TECPR2: variants seen among roughly 807,000 people sequenced by gnomAD.
The protein encoded by TECPR2 is tectonin beta-propeller repeat containing 2.
A neutral mutation model predicts 138.1 loss-of-function variants in TECPR2; 65 were observed. The ratio of observed to expected loss-of-function variants is 0.47; its 90% CI spans 0.39 to 0.58. TECPR2 has a LOEUF of 0.58. Among genes scored for constraint, TECPR2 ranks in the 20% least tolerant of loss-of-function variants. The probability of loss-of-function intolerance (pLI) is 0.00; values close to 1 mark genes in which losing one functional copy is unlikely to be tolerated. For missense variants in TECPR2, 1,553 were observed against 1,824.5 expected (o/e 0.85, Z 2.71); for synonymous variants, 746 against 749.8 (o/e 0.99, Z 0.08).
chr14:102,478,410 G>T (rs570534369), intron 17 of TECPR2, among the ~76,000 whole-genome samples: 1 of 152,178 alleles, frequency 6.6e-6, no homozygotes, highest in East Asian at 1.9e-4. Flanking sequence ...GCCGGGTGTG[G>T]TGGCTCATGC....
At chr14:102,469,168 C>T (rs1595141667) in intron 17 of TECPR2, among the ~76,000 whole-genome samples, 4 of 152,168 alleles carry the variant, frequency 2.6e-5, no homozygotes, top group Non-Finnish European at 5.9e-5. Context: ...GGAATTGTGT[C>T]GAATCAGTAG....
chr14:102,383,471 G>A (rs538537929), intron 2 of TECPR2, among the ~76,000 whole-genome samples: 2 of 151,376 alleles, frequency 1.3e-5, no homozygotes, highest in Admixed American at 6.6e-5. Flanking sequence ...GCAGTGGAGC[G>A]ATCTCAGCCC....
At chr14:102,431,296 A>G (rs1889464473) in intron 7 of TECPR2, among the ~76,000 whole-genome samples, 1 of 151,036 alleles carries the variant, frequency 6.6e-6, no homozygotes, top group South Asian at 2.1e-4. Flanking sequence ...AAGAACAAAA[A>G]CTGTTTCTTA....
chr14:102,384,170 CG>C (rs1887923498), intron 2 of TECPR2, among the ~76,000 whole-genome samples: 1 of 152,026 alleles, frequency 6.6e-6, no homozygotes, highest in African/African-American at 2.4e-5. Context: ...CCACCTGCCT[CG>C]GCCTCCCAAA....
In TECPR2 at chr14:102,498,298, T is replaced by G. The variant is rs1891348479; in HGVS notation, c.*41T>G. On this transcript the variant is annotated 3_prime_UTR_variant, in exon 20 of 20. Coordinates refer to ENST00000359520, the MANE Select transcript of TECPR2 (RefSeq NM_014844.5). ...GTCACGCGGAGGGGCCCGGCGTCTG[T>G]GGCGGGCACAGGGGCTTCAGAGTGA... 6.4e-7 allele frequency: 1 copy of G among 1,571,896 alleles called. No individual in the cohort carries two copies. Among genetic ancestry groups the G allele is most frequent in the South Asian group, 1.1e-5 (1 of 87,814 alleles).
chr14:102,457,215 G>A (rs974123249), intron 16 of TECPR2, among the ~76,000 whole-genome samples: 1 of 152,132 alleles, frequency 6.6e-6, no homozygotes, highest in Non-Finnish European at 1.5e-5. Context: ...CTCCCGAGTA[G>A]CTGGGATGAC....
intron 2 of TECPR2, among the ~76,000 whole-genome samples, chr14:102,396,965 T>C (rs567580378): frequency 1.1e-4 from 16 of 152,278 alleles, no homozygotes; most frequent in Middle Eastern, 3.4e-3. Flanking sequence ...TAACAAGACT[T>C]CCAGGGGATT....
chr14:102,449,875 T>G lies in TECPR2; in HGVS notation c.3316+6T>G. 1 of 1,611,482 alleles carries G rather than the reference T, an allele frequency of 6.2e-7. No individual in the cohort carries two copies. Among genetic ancestry groups the G allele is most frequent in the Non-Finnish European group, 8.5e-7 (1 of 1,179,186 alleles). ...CGCTAAGGGAAGTCTCATAGGTGGG[T>G]GAATTGCTGTAATTTTCACACTGGC... is the stretch of plus-strand genomic sequence containing the variant. On this transcript the variant is annotated splice_donor_region_variant and intron_variant, in intron 14 of 19. Coordinates refer to ENST00000359520, the MANE Select transcript of TECPR2 (RefSeq NM_014844.5).
At chr14:102,410,805 G>A (rs1003664816) in intron 4 of TECPR2, among the ~76,000 whole-genome samples, 21 of 151,600 alleles carry the variant, frequency 1.4e-4, no homozygotes, top group African/African-American at 2.2e-4. Context: ...TTACACTGCC[G>A]GTTTACACTG....
At chr14:102,409,515 T>C (rs1754523235) in intron 4 of TECPR2, among the ~76,000 whole-genome samples, 1 of 152,164 alleles carries the variant, frequency 6.6e-6, no homozygotes, top group South Asian at 2.1e-4. Context: ...GTCAGGCTGG[T>C]CTTGAACTCC....
In TECPR2 at chr14:102,419,344, G is replaced by A. The variant is rs779433654; in HGVS notation, c.638+4551G>A. 5.9e-5 allele frequency among the ~76,000 whole-genome samples: 9 copies of A among 152,178 alleles called. No homozygotes were observed. The highest frequency in any genetic ancestry group is 1.3e-4 in the Non-Finnish European group (9 of 68,032). On this transcript the variant is annotated intron_variant, in intron 5 of 19. Transcript: ENST00000359520. This position sits in a 1 kb window ranked among gnomAD's most constrained non-coding sequence, Gnocchi z 4.8. ...GGCGAGTATGGAGAGCTTTTAGGAG[G>A]AGTGTTTTTGTAGAAGAGAACAAAG...
chr14:102,441,776 G>A (rs1175025683), intron 11 of TECPR2, among the ~76,000 whole-genome samples: 2 of 152,166 alleles, frequency 1.3e-5, no homozygotes, highest in African/African-American at 4.8e-5. Flanking sequence ...AGGGCACAGT[G>A]GGACTTGCTT....
rs1407885181 is a variant in TECPR2 at position 102,499,610 on chromosome 14, C to T, written c.*1353C>T. 1.7e-5 allele frequency: 4 copies of T among 236,742 alleles called. No individual in the cohort carries two copies. The highest frequency in any genetic ancestry group is 2.1e-4 in the East Asian group (2 of 9,530). 14.7% of individuals were successfully genotyped at this position (236,742 alleles called of 1,614,324 possible). ...TTGAAACCAGTGCCTCTATGGACGGCTGCTGTGGCCCCTTCAGACAATGGG... is the reference window on the plus strand; with the variant it reads ...TTGAAACCAGTGCCTCTATGGACGGTTGCTGTGGCCCCTTCAGACAATGGG... On this transcript the variant is annotated 3_prime_UTR_variant, in exon 20 of 20. Coordinates refer to ENST00000359520, the MANE Select transcript of TECPR2 (RefSeq NM_014844.5).
chr14:102,366,036 A>G (rs534049933), intron 1 of TECPR2, among the ~76,000 whole-genome samples: 1 of 152,346 alleles, frequency 6.6e-6, no homozygotes, highest in African/African-American at 2.4e-5. Context: ...GTTGCTTCCT[A>G]GGGATTTTGG....
intron 4 of TECPR2, 118 bp downstream of exon 4, chr14:102,408,737 A>C: frequency 2.7e-6 from 3 of 1,116,952 alleles, no homozygotes; most frequent in Non-Finnish European, 2.5e-6. Flanking sequence ...TTATAATCTC[A>C]ATTGTTATTT....
At chr14:102,451,284 A>G (rs1890135184) in intron 15 of TECPR2, among the ~76,000 whole-genome samples, 1 of 152,104 alleles carries the variant, frequency 6.6e-6, no homozygotes, top group South Asian at 2.1e-4. Context: ...AAGTAGCTGT[A>G]CCTCCTCCCA....
chr14:102,413,727 C>A (rs1449062885), intron 4 of TECPR2, among the ~76,000 whole-genome samples: 1 of 152,078 alleles, frequency 6.6e-6, no homozygotes, highest in African/African-American at 2.4e-5. Context: ...ATTTTTTATA[C>A]AATGAAATAT....
intron 16 of TECPR2, among the ~76,000 whole-genome samples, chr14:102,460,298 T>C (rs1025957980): frequency 3.5e-5 from 5 of 143,070 alleles, no homozygotes; most frequent in African/African-American, 1.3e-4. Flanking sequence ...TCTCAAAAAA[T>C]ACTACTAATA....
chr14:102,399,663 T>C (rs1022377483), intron 2 of TECPR2, among the ~76,000 whole-genome samples: 2 of 152,022 alleles, frequency 1.3e-5, no homozygotes, highest in African/African-American at 2.4e-5. Flanking sequence ...ACCCCATCTC[T>C]ACTAAAAATA....
Sources: allele counts gnomAD v4.1 joint callset (sites outside exome capture counted in the v4.1 genomes callset), GRCh38; gene constraint gnomAD v4.1.1; non-coding constraint Gnocchi (gnomAD v3.1); transcripts MANE v1.5; gene names NCBI Gene and HGNC (gene_info 2026-07-23, HGNC 2026-07-21).